The following CMTM7 variants were observed in gnomAD, a reference collection of about 807,000 sequenced individuals.
CMTM7 encodes the protein CKLF like MARVEL transmembrane domain containing 7.
CMTM7 carries 7 observed loss-of-function variants against 19.3 expected under a neutral mutation model. The observed-to-expected ratio is 0.36, with a 90% CI of 0.21 to 0.68. CMTM7 has a LOEUF of 0.68. Ranked by LOEUF, CMTM7 falls within the 30% of genes least tolerant of loss-of-function variation. CMTM7 has a pLI of 0.60. For missense variants in CMTM7, 193 were observed against 232.6 expected (o/e 0.83, Z 1.11); for synonymous variants, 87 against 99.3 (o/e 0.88, Z 0.74).
At chr3:32,408,906 C>A (rs539333325) in intron 1 of CMTM7, among the ~76,000 whole-genome samples, 1 of 150,240 alleles carries the variant, frequency 6.7e-6, no homozygotes, top group Non-Finnish European at 1.5e-5. Context: ...TTTTTTGAGA[C>A]AAAGTCTCGC....
chr3:32,454,185 C>T lies in CMTM7; in HGVS notation c.515-56C>T, dbSNP rs1696876169. 70 of 1,551,990 alleles carry T rather than the reference C, an allele frequency of 4.5e-5. No individual in the cohort carries two copies. In the South Asian group the frequency reaches 8.1e-4, roughly 18 times the overall value. ...TTGGAGTCAAACCTGTGGAGTGTGG[C>T]TTGTGGGTGGGCCACATCCCTGGCA... On this transcript the variant is annotated intron_variant, in intron 4 of 4. Transcript: ENST00000334983.
intron 1 of CMTM7, among the ~76,000 whole-genome samples, chr3:32,430,838 G>A (rs1025136661): frequency 2.6e-5 from 4 of 152,096 alleles, no homozygotes; most frequent in Non-Finnish European, 4.4e-5. Flanking sequence ...TTGCACCAGG[G>A]TGATGGTTTT....
chr3:32,412,962 G>A (rs1294219991), intron 1 of CMTM7, among the ~76,000 whole-genome samples: 8 of 152,126 alleles, frequency 5.3e-5, no homozygotes, highest in Admixed American at 5.2e-4. Context: ...TAAACATGTA[G>A]GTTTGCTTTT....
chr3:32,429,711 C>T (rs1442185259), intron 1 of CMTM7, among the ~76,000 whole-genome samples: 1 of 151,724 alleles, frequency 6.6e-6, no homozygotes, highest in African/African-American at 2.4e-5. Context: ...CGCCATTCTC[C>T]TGCCTCAGCC....
At chr3:32,439,964 G>A (rs770292267) in intron 1 of CMTM7, among the ~76,000 whole-genome samples, 3 of 151,986 alleles carry the variant, frequency 2.0e-5, no homozygotes, top group East Asian at 1.9e-4. Context: ...CCCCATCCCC[G>A]CAAATTGTGT....
At chr3:32,427,215 G>A (rs1696446275) in intron 1 of CMTM7, among the ~76,000 whole-genome samples, 1 of 152,236 alleles carries the variant, frequency 6.6e-6, no homozygotes, top group Admixed American at 6.5e-5. Context: ...CTCCAGACTA[G>A]CTGAGTAGCC....
chr3:32,423,220 G>A (rs1009036651), intron 1 of CMTM7, among the ~76,000 whole-genome samples: 1 of 152,150 alleles, frequency 6.6e-6, no homozygotes, highest in Non-Finnish European at 1.5e-5. Context: ...CTAGTAGCTC[G>A]AGTAGAGAAA....
At chr3:32,437,988 G>C (rs1295611976) in intron 1 of CMTM7, among the ~76,000 whole-genome samples, 4 of 152,200 alleles carry the variant, frequency 2.6e-5, no homozygotes, top group Admixed American at 2.0e-4. Context: ...TACGAGAGGA[G>C]CTAGAAGGCA....
chr3:32,428,328 C>T (rs1696464023), intron 1 of CMTM7, among the ~76,000 whole-genome samples: 1 of 152,218 alleles, frequency 6.6e-6, no homozygotes, highest in South Asian at 2.1e-4. Flanking sequence ...CTCCTGGGGC[C>T]ACCTGCCTGA....
intron 1 of CMTM7, among the ~76,000 whole-genome samples, chr3:32,416,460 G>A (rs1195585060): frequency 9.4e-6 from 1 of 106,682 alleles, no homozygotes; most frequent in Non-Finnish European, 1.8e-5. Context: ...GCGCAATCTC[G>A]GCTCACTGCA....
chr3:32,421,459 T>C (rs1201039585), intron 1 of CMTM7, among the ~76,000 whole-genome samples: 1 of 152,228 alleles, frequency 6.6e-6, no homozygotes, highest in Non-Finnish European at 1.5e-5. Context: ...GTGTTCCCAC[T>C]GCCAGAAGCC....
chr3:32,426,978 T>C (rs1323766021), intron 1 of CMTM7, among the ~76,000 whole-genome samples: 9 of 152,256 alleles, frequency 5.9e-5, no homozygotes. Context: ...CACAGTGCTT[T>C]ATATGTATTG....
chr3:32,454,863 C>T lies in CMTM7; in HGVS notation c.*609C>T. ...AGTTGCACAAGGATTTCTTATTGAA[C>T]CAGATGAAGGCTGTAAAACCTGGCC... On this transcript the variant is annotated 3_prime_UTR_variant, in exon 5 of 5. Coordinates refer to ENST00000334983, the MANE Select transcript of CMTM7 (RefSeq NM_138410.4). The T allele has an allele frequency of 4.6e-6, 1 of 215,336 alleles. No individual in the cohort carries two copies. 13.3% of individuals were successfully genotyped at this position (215,336 alleles called of 1,614,324 possible).
intron 1 of CMTM7, among the ~76,000 whole-genome samples, chr3:32,417,978 C>T (rs988162654): frequency 5.9e-5 from 9 of 152,140 alleles, no homozygotes; most frequent in African/African-American, 1.9e-4. Context: ...TGTAACACCA[C>T]ACCTAGCTAA....
intron 1 of CMTM7, among the ~76,000 whole-genome samples, chr3:32,425,910 C>A (rs377704202): frequency 7.9e-5 from 12 of 152,240 alleles, no homozygotes; most frequent in African/African-American, 2.9e-4. Context: ...CTTTGGGAGG[C>A]CGAGGTGGGC....
chr3:32,414,115 C>G (rs2125626621), intron 1 of CMTM7, among the ~76,000 whole-genome samples: 1 of 152,288 alleles, frequency 6.6e-6, no homozygotes, highest in Admixed American at 6.5e-5. Context: ...CTCCCTCCAC[C>G]TGGTCCTGTC....
chr3:32,436,795 G>A (rs955533191), intron 1 of CMTM7, among the ~76,000 whole-genome samples: 1 of 152,070 alleles, frequency 6.6e-6, no homozygotes, highest in Admixed American at 6.6e-5. Context: ...GTCTGCTGAG[G>A]AAATGTTCCC....
intron 1 of CMTM7, among the ~76,000 whole-genome samples, chr3:32,402,375 G>T (rs1302707973): frequency 6.6e-6 from 1 of 152,066 alleles, no homozygotes. Flanking sequence ...GCCTCCCAAA[G>T]TGCTGGGATT....
At chr3:32,430,788 T>A (rs6550133) in intron 1 of CMTM7, among the ~76,000 whole-genome samples, 1 of 150,556 alleles carries the variant, frequency 6.6e-6, no homozygotes, top group Non-Finnish European at 1.5e-5. Flanking sequence ...CAGGAGAGAG[T>A]GAACGTGCTG....
Sources: allele counts gnomAD v4.1 joint callset (sites outside exome capture counted in the v4.1 genomes callset), GRCh38; gene constraint gnomAD v4.1.1; transcripts MANE v1.5; gene names NCBI Gene and HGNC (gene_info 2026-07-23, HGNC 2026-07-21).